The following CNTNAP4 variants were observed in gnomAD, a reference collection of about 807,000 sequenced individuals.
The protein encoded by CNTNAP4 is contactin associated protein family member 4.
In CNTNAP4, 98 loss-of-function variants were observed where a neutral mutation model predicts 148.4. That is an observed-to-expected ratio of 0.66 (90% CI 0.56 to 0.78). The LOEUF is 0.78. CNTNAP4 is among the 30% of genes least tolerant of loss of function. The pLI is 0.00. For synonymous variants in CNTNAP4, 730 were observed against 565.1 expected (o/e 1.29, Z -4.14); for missense variants, 1,935 against 1,565.6 (o/e 1.24, Z -3.98).
intron 1 of CNTNAP4, among the ~76,000 whole-genome samples, chr16:76,289,762 G>A (rs577767043): frequency 3.1e-4 from 47 of 152,008 alleles, no homozygotes; most frequent in African/African-American, 9.9e-4. Context: ...GTAGAGGCGG[G>A]GTTTCACCAT....
intron 3 of CNTNAP4, among the ~76,000 whole-genome samples, chr16:76,359,549 G>C (rs769819613): frequency 1.3e-5 from 2 of 152,018 alleles, no homozygotes; most frequent in East Asian, 1.9e-4. Flanking sequence ...AGGAAAGACA[G>C]AATATTTTAC....
intron 2 of CNTNAP4, among the ~76,000 whole-genome samples, chr16:76,347,621 A>G (rs894080644): frequency 6.6e-6 from 1 of 152,154 alleles, no homozygotes. Context: ...CAAGCCTCTA[A>G]GACAGGGTAA....
At chr16:76,521,488 C>G (rs1254955811) in intron 16 of CNTNAP4, among the ~76,000 whole-genome samples, 178 bp downstream of exon 16, 1 of 152,110 alleles carries the variant, frequency 6.6e-6, no homozygotes, top group East Asian at 1.9e-4. Flanking sequence ...TGATACTTAA[C>G]ATGTGATAAT....
chr16:76,544,515 A>G (rs1345223272), intron 21 of CNTNAP4, among the ~76,000 whole-genome samples: 1 of 152,206 alleles, frequency 6.6e-6, no homozygotes, highest in Non-Finnish European at 1.5e-5. Context: ...AAAATATAGA[A>G]GTACTTAATA....
At chr16:76,553,946 T>C (rs1243927904) in intron 23 of CNTNAP4, 39 bp downstream of exon 23, 1 of 1,227,048 alleles carries the variant, frequency 8.1e-7, no homozygotes. Context: ...TTGGTTGTTC[T>C]TATTAATAAT....
At chr16:76,287,376 C>G (rs1428361462) in intron 1 of CNTNAP4, among the ~76,000 whole-genome samples, 1 of 152,148 alleles carries the variant, frequency 6.6e-6, no homozygotes, top group East Asian at 1.9e-4. Context: ...GCAAAACAGC[C>G]TGATTCATTT....
At chr16:76,538,046 A>G in intron 18 of CNTNAP4, 70 bp from the exon 19 acceptor site, 1 of 666,968 alleles carries the variant, frequency 1.5e-6, no homozygotes, top group Non-Finnish European at 2.2e-6. Flanking sequence ...CTAAAATATA[A>G]TTATTGTAAC....
intron 3 of CNTNAP4, among the ~76,000 whole-genome samples, chr16:76,358,447 T>A (rs1443302524): frequency 6.6e-6 from 1 of 152,130 alleles, no homozygotes; most frequent in Non-Finnish European, 1.5e-5. Context: ...TTCCTAAGCA[T>A]TTGGAAATGG....
Position 76,456,849 on chromosome 16 carries a change from T to G in CNTNAP4, c.1333+4080T>G, listed in dbSNP as rs150376341. On this transcript the variant is annotated intron_variant, in intron 8 of 23. Transcript: ENST00000611870. ...GTCAGTCTTGGTTTTCTGTTTTCCT[T>G]CAGCTATCCAGCAGCTGGATGTGAC... Among the ~76,000 whole-genome samples the G allele has an allele frequency of 1.4e-3, 214 of 152,308 alleles. 1 individual carries two copies. The highest frequency in any genetic ancestry group is 0.01 in the South Asian group (50 of 4,828).
At chr16:76,423,349 A>C (rs979212948) in intron 3 of CNTNAP4, among the ~76,000 whole-genome samples, 1 of 152,172 alleles carries the variant, frequency 6.6e-6, no homozygotes, top group African/African-American at 2.4e-5. Context: ...CTTGGCATGC[A>C]TTCAAAATGC....
chr16:76,537,443 GGT>G (rs200832627), intron 18 of CNTNAP4, among the ~76,000 whole-genome samples: 5,070 of 96,400 alleles, frequency 0.053, 102 homozygotes, highest in Middle Eastern at 0.085. Flanking sequence ...ATATGTATTT[GGT>G]GTGTGTGTGT....
At chr16:76,386,646 C>G (rs1220753769) in intron 3 of CNTNAP4, among the ~76,000 whole-genome samples, 1 of 152,142 alleles carries the variant, frequency 6.6e-6, no homozygotes, top group Non-Finnish European at 1.5e-5. Context: ...TAAGTGAATT[C>G]ATGTCATCAG....
chr16:76,457,322 G>T (rs2080773281), intron 8 of CNTNAP4, among the ~76,000 whole-genome samples: 1 of 152,206 alleles, frequency 6.6e-6, no homozygotes, highest in Admixed American at 6.5e-5. Context: ...AATTCCAATT[G>T]ACAGGTATTA....
chr16:76,333,075 T>C (rs1963682673), intron 2 of CNTNAP4, among the ~76,000 whole-genome samples: 1 of 152,218 alleles, frequency 6.6e-6, no homozygotes, highest in Non-Finnish European at 1.5e-5. Context: ...TAAACTATTC[T>C]TGTAAGGATA....
At position 76,559,910 on chromosome 16, in the gene CNTNAP4, G is replaced by C. The variant is rs76322017; in HGVS notation, c.*1227G>C. Among the ~76,000 whole-genome samples, 4 of 152,122 alleles carry C rather than the reference G, an allele frequency of 2.6e-5. No homozygotes were observed. The highest frequency in any genetic ancestry group is 5.9e-5 in the Non-Finnish European group (4 of 68,004). On this transcript the variant is annotated 3_prime_UTR_variant, in exon 24 of 24. Transcript: ENST00000611870. The stretch of plus-strand genomic sequence containing the variant: ...TCTAAGGGGAGATAGCATATTAAAT[G>C]ATCTACTGTGAATTTGTCATTCCAG...
chr16:76,342,655 G>A (rs1217016578), intron 2 of CNTNAP4, among the ~76,000 whole-genome samples: 3 of 151,802 alleles, frequency 2.0e-5, no homozygotes, highest in Non-Finnish European at 2.9e-5. Context: ...TGTATTTTTA[G>A]TACTGGCGGG....
chr16:76,500,114 G>T (rs9932350), intron 15 of CNTNAP4, among the ~76,000 whole-genome samples: 127,356 of 151,992 alleles, frequency 0.84, 54,240 homozygotes, highest in East Asian at 0.97. Context: ...GAGGGGCTCC[G>T]CACTTCCCAG....
intron 3 of CNTNAP4, among the ~76,000 whole-genome samples, chr16:76,358,608 A>G (rs1404231447): frequency 1.3e-5 from 2 of 152,198 alleles, no homozygotes; most frequent in South Asian, 2.1e-4. Flanking sequence ...GACATTGGGG[A>G]TATCCAGAGT....
chr16:76,376,138 G>T (rs2015389751), intron 3 of CNTNAP4, among the ~76,000 whole-genome samples: 1 of 152,012 alleles, frequency 6.6e-6, no homozygotes, highest in Non-Finnish European at 1.5e-5. Context: ...AGGGAAAAAA[G>T]AGGGAAATAA....
Sources: gnomAD v4.1 joint callset for allele counts (sites outside exome capture counted in the v4.1 genomes callset) on GRCh38, gnomAD v4.1.1 for gene constraint, MANE v1.5 for transcripts, NCBI Gene and HGNC (gene_info 2026-07-23, HGNC 2026-07-21) for gene names.